Variants in TPPP3 observed in about 807,000 individuals in gnomAD.
The protein encoded by TPPP3 is tubulin polymerization promoting protein family member 3.
Under a neutral mutation model 13.1 loss-of-function variants are expected in TPPP3, and 7 were observed. That is an observed-to-expected ratio of 0.54 (90% CI 0.30 to 1.01). The LOEUF (loss-of-function observed/expected upper bound fraction) is 1.01. Among genes scored for constraint, TPPP3 ranks in the 50% least tolerant of loss-of-function variants. The pLI is 0.06. For synonymous variants in TPPP3, 87 were observed against 93.7 expected (o/e 0.93, Z 0.41); for missense variants, 185 against 235.0 (o/e 0.79, Z 1.39).
chr16:67,390,941 G>T lies in TPPP3; in HGVS notation c.171C>A (p.Ile57=). Residue 57 remains isoleucine (I), a synonymous_variant, in exon 2 of 4, where the codon ATC becomes ATA. Transcript: ENST00000393957. This position sits in a 1 kb window ranked among gnomAD's most constrained non-coding sequence, Gnocchi z 6.4. The part of the protein sequence containing the change: ...GKSVTGTDVD[I]VFSKVKGKSA... ...GGGCTCACTTGACTTTGGAGAAGAC[G>T]ATGTCCACATCGGTCCCTGTCACGG... The T allele has an allele frequency of 6.2e-7, 1 of 1,614,098 alleles. No homozygotes were observed. The highest frequency in any genetic ancestry group is 1.1e-5 in the South Asian group (1 of 91,082).
chr16:67,390,842 C>G lies in TPPP3; in HGVS notation c.188+82G>C, dbSNP rs962851230. On this transcript the variant is annotated intron_variant, in intron 2 of 3. Coordinates refer to ENST00000393957, the MANE Select transcript of TPPP3 (RefSeq NM_015964.4). The surrounding 1 kb of genome is among the most constrained non-coding windows in gnomAD (Gnocchi z 6.4). ...CGTGATCATGGTGTTTCCCTGACCC[C>G]TTCTTGATGTCCTCCCTGGTTCCAG... 2 of 1,501,768 alleles carry G rather than the reference C, an allele frequency of 1.3e-6. No homozygotes were observed. The highest frequency in any genetic ancestry group is 9.0e-7 in the Non-Finnish European group (1 of 1,108,550). The allele number at this position is 1,501,768 out of a possible 1,614,324, so 93.0% of individuals were successfully genotyped here. A position where few individuals can be genotyped will look rare whatever the true frequency, so the allele number is the denominator to read the frequency against.
In TPPP3 at chr16:67,392,384, A is replaced by AC. The variant is rs2040338674; in HGVS notation, c.-7+995dup. 1.4e-5 allele frequency among the ~76,000 whole-genome samples: 2 copies of AC among 147,972 alleles called. No individual in the cohort carries two copies. Among genetic ancestry groups the AC allele is most frequent in the Non-Finnish European group, 3.0e-5 (2 of 67,110 alleles). On this transcript the variant is annotated intron_variant, in intron 1 of 3. Transcript: ENST00000393957. The surrounding 1 kb of genome is among the most constrained non-coding windows in gnomAD (Gnocchi z 4.9). ...CTACACAGCAGCCTTCTCCATCCCC[A>AC]CACCCGCAGCCCTGGGGCTGAGGCC... is the stretch of plus-strand genomic sequence containing the variant.
In TPPP3 at chr16:67,390,429, G is replaced by A. The variant is rs958573339; in HGVS notation, c.342+50C>T. 3 of 1,603,924 alleles carry A rather than the reference G, an allele frequency of 1.9e-6. No homozygotes were observed. The highest frequency in any genetic ancestry group is 2.2e-5 in the East Asian group (1 of 44,668). ...CCCAGCCCTTCCCACCCACAGCCAC[G>A]ATTCCCCACACCCCATTCCGTGGCC... On this transcript the variant is annotated intron_variant, in intron 3 of 3. Coordinates refer to ENST00000393957, the MANE Select transcript of TPPP3 (RefSeq NM_015964.4). This position sits in a 1 kb window ranked among gnomAD's most constrained non-coding sequence, Gnocchi z 6.4.
chr16:67,392,446 G>A lies in TPPP3; in HGVS notation c.-7+934C>T, dbSNP rs1284329765. Reference sequence around the variant, plus strand: ...ACCTGCATCCCTTCCTGAGACCCCTGACCATAGCCTCAGCCACTCACCCCC... The same window carrying A: ...ACCTGCATCCCTTCCTGAGACCCCTAACCATAGCCTCAGCCACTCACCCCC... On this transcript the variant is annotated intron_variant, in intron 1 of 3. Coordinates refer to ENST00000393957, the MANE Select transcript of TPPP3 (RefSeq NM_015964.4). This position sits in a 1 kb window ranked among gnomAD's most constrained non-coding sequence, Gnocchi z 4.9. Among the ~76,000 whole-genome samples the A allele has an allele frequency of 6.6e-6, 1 of 151,470 alleles. No individual in the cohort carries two copies. The highest frequency in any genetic ancestry group is 1.5e-5 in the Non-Finnish European group (1 of 67,870).
At position 67,390,722 on chromosome 16, in the gene TPPP3, T is replaced by G; in HGVS notation, c.189-90A>C. ...ACACATTTGCTGCCACCACAAATTA[T>G]GCAATTGCGTTTCTTTCCCACGTTT... On this transcript the variant is annotated intron_variant, in intron 2 of 3. Transcript: ENST00000393957. This position sits in a 1 kb window ranked among gnomAD's most constrained non-coding sequence, Gnocchi z 6.4. 6.6e-7 allele frequency: 1 copy of G among 1,525,006 alleles called. No homozygotes were observed. The highest frequency in any genetic ancestry group is 8.8e-7 in the Non-Finnish European group (1 of 1,140,122). 94.5% of individuals were successfully genotyped at this position (1,525,006 alleles called of 1,614,324 possible). A position where few individuals can be genotyped will look rare whatever the true frequency, so the allele number is the denominator to read the frequency against.
rs1365142553 is a variant in TPPP3 at position 67,391,088 on chromosome 16, AGCCATGTCTGTGCTCGCT to A, written c.6_23del (p.Ala3_Ala8del). On this transcript the variant is annotated inframe_deletion, in exon 2 of 4. Transcript: ENST00000393957. The surrounding 1 kb of genome is among the most constrained non-coding windows in gnomAD (Gnocchi z 6.3). ...ACTTGCGGAAGCTCTCCTCCAGCCC[AGCCATGTCTGTGCTCGCT>A]GCCATGCCACCCTATAGAGACCCAC... 5.0e-6 allele frequency: 8 copies of A among 1,614,084 alleles called. No homozygotes were observed. The highest frequency in any genetic ancestry group is 6.8e-6 in the Non-Finnish European group (8 of 1,180,044).
In TPPP3 at chr16:67,390,940, C is replaced by T. The variant is rs144127847; in HGVS notation, c.172G>A (p.Val58Ile). The change falls in exon 2 of 4, where the codon GTC becomes ATC. Residue 58 changes from valine (V) to isoleucine (I), a missense_variant. Val to Ile is a conservative substitution (Grantham distance 29). Coordinates refer to ENST00000393957, the MANE Select transcript of TPPP3 (RefSeq NM_015964.4). This position sits in a 1 kb window ranked among gnomAD's most constrained non-coding sequence, Gnocchi z 6.4. ...KSVTGTDVDI[V>I]FSKVKGKSAR... The stretch of plus-strand genomic sequence containing the variant: ...AGGGCTCACTTGACTTTGGAGAAGA[C>T]GATGTCCACATCGGTCCCTGTCACG... 1.4e-5 allele frequency: 23 copies of T among 1,613,926 alleles called. No individual in the cohort carries two copies. The African/African-American group carries it at 2.4e-4, about 17-fold the overall frequency.
At position 67,393,142 on chromosome 16, in the gene TPPP3, AC is replaced by A. The variant is rs2040349841; in HGVS notation, c.-7+237del. The A allele has an allele frequency of 2.8e-6, 2 of 709,602 alleles. No homozygotes were observed. The highest frequency in any genetic ancestry group is 3.5e-6 in the Non-Finnish European group (2 of 578,120). 44.0% of individuals were successfully genotyped at this position (709,602 alleles called of 1,614,324 possible). ...TGCAGGCCATGGATGGAGTGGCCAC[AC>A]CCGTGAACTGGAGCCACCCGTCCCG... On this transcript the variant is annotated intron_variant, in intron 1 of 3. Coordinates refer to ENST00000393957, the MANE Select transcript of TPPP3 (RefSeq NM_015964.4). The surrounding 1 kb of genome is among the most constrained non-coding windows in gnomAD (Gnocchi z 5.4).
chr16:67,392,716 C>CT lies in TPPP3; in HGVS notation c.-7+663dup, dbSNP rs1026823856. Among the ~76,000 whole-genome samples, 35 of 152,208 alleles carry CT rather than the reference C, an allele frequency of 2.3e-4. No homozygotes were observed. Among genetic ancestry groups the CT allele is most frequent in the Non-Finnish European group, 7.4e-5 (5 of 68,024 alleles). ...CGGTCTCAGCAACCATCTTCTAGCTCTGCCTTTTACACTAGGGCTTCCAGT... is the reference window on the plus strand; with the variant it reads ...CGGTCTCAGCAACCATCTTCTAGCTCTTGCCTTTTACACTAGGGCTTCCAGT... On this transcript the variant is annotated intron_variant, in intron 1 of 3. Coordinates refer to ENST00000393957, the MANE Select transcript of TPPP3 (RefSeq NM_015964.4). The surrounding 1 kb of genome is among the most constrained non-coding windows in gnomAD (Gnocchi z 4.9).
At position 67,393,023 on chromosome 16, in the gene TPPP3, G is replaced by C. The variant is rs979144078; in HGVS notation, c.-7+357C>G. On this transcript the variant is annotated intron_variant, in intron 1 of 3. Transcript: ENST00000393957. This position sits in a 1 kb window ranked among gnomAD's most constrained non-coding sequence, Gnocchi z 5.4. ...GGCCCAAGCACTGGGCGGATCCTGC[G>C]TGCAGTGCTCACTCCTGTCCGTGGA... 3.0e-6 allele frequency: 3 copies of C among 985,382 alleles called. No homozygotes were observed. Among genetic ancestry groups the C allele is most frequent in the African/African-American group, 3.5e-5 (2 of 57,236 alleles). The allele number at this position is 985,382 out of a possible 1,614,324, so 61.0% of individuals were successfully genotyped here.
chr16:67,392,201 A>G lies in TPPP3; in HGVS notation c.-6-1084T>C, dbSNP rs2040336261. ...CCCCTGGCCATACCTTCAGCCCTCCATCCTCCATCTTCACACCCACAGCCA... is the reference window on the plus strand; with the variant it reads ...CCCCTGGCCATACCTTCAGCCCTCCGTCCTCCATCTTCACACCCACAGCCA... On this transcript the variant is annotated intron_variant, in intron 1 of 3. Coordinates refer to ENST00000393957, the MANE Select transcript of TPPP3 (RefSeq NM_015964.4). The surrounding 1 kb of genome is among the most constrained non-coding windows in gnomAD (Gnocchi z 4.9). Among the ~76,000 whole-genome samples the G allele has an allele frequency of 6.6e-6, 1 of 150,738 alleles. No homozygotes were observed. Among genetic ancestry groups the G allele is most frequent in the Non-Finnish European group, 1.5e-5 (1 of 67,648 alleles).
In TPPP3 at chr16:67,392,858, C is replaced by T. The variant is rs1049927435; in HGVS notation, c.-7+522G>A. On this transcript the variant is annotated intron_variant, in intron 1 of 3. Coordinates refer to ENST00000393957, the MANE Select transcript of TPPP3 (RefSeq NM_015964.4). This position sits in a 1 kb window ranked among gnomAD's most constrained non-coding sequence, Gnocchi z 4.9. The stretch of plus-strand genomic sequence containing the variant: ...GGACTGTGAGCACCGGTGGTTCCTA[C>T]GTTACAGGGACCATAACCCCAGTCC... The T allele has an allele frequency of 1.2e-5, 7 of 561,198 alleles. No homozygotes were observed. Among genetic ancestry groups the T allele is most frequent in the Non-Finnish European group, 1.6e-5 (7 of 442,226 alleles). The allele number at this position is 561,198 out of a possible 1,614,324, so 34.8% of individuals were successfully genotyped here. A position where few individuals can be genotyped will look rare whatever the true frequency, so the allele number is the denominator to read the frequency against.
In TPPP3 at chr16:67,392,530, C is replaced by T. The variant is rs1169811004; in HGVS notation, c.-7+850G>A. ...GACCCTCAGCACCCCTTTGTCCACA[C>T]ACCCTCAGCCCTCTGGCCACACCCT... On this transcript the variant is annotated intron_variant, in intron 1 of 3. Transcript: ENST00000393957. This position sits in a 1 kb window ranked among gnomAD's most constrained non-coding sequence, Gnocchi z 4.9. Among the ~76,000 whole-genome samples, 1 of 152,058 alleles carries T rather than the reference C, an allele frequency of 6.6e-6. No individual in the cohort carries two copies. Among genetic ancestry groups the T allele is most frequent in the Non-Finnish European group, 1.5e-5 (1 of 68,010 alleles).
In TPPP3 at chr16:67,390,448, C is replaced by T. The variant is rs751671897; in HGVS notation, c.342+31G>A. On this transcript the variant is annotated intron_variant, in intron 3 of 3. Transcript: ENST00000393957. The surrounding 1 kb of genome is among the most constrained non-coding windows in gnomAD (Gnocchi z 6.4). ...AGCCACGATTCCCCACACCCCATTCCGTGGCCACCCGAGACCAGCAGGGCA... is the reference window on the plus strand; with the variant it reads ...AGCCACGATTCCCCACACCCCATTCTGTGGCCACCCGAGACCAGCAGGGCA... 3.0e-5 allele frequency: 48 copies of T among 1,610,982 alleles called. No individual in the cohort carries two copies. In the Admixed American group the frequency reaches 3.2e-4, roughly 11 times the overall value.
In TPPP3 at chr16:67,390,408, G is replaced by C. The variant is rs369294188; in HGVS notation, c.343-46C>G. The C allele has an allele frequency of 9.3e-6, 15 of 1,607,310 alleles. No individual in the cohort carries two copies. The Admixed American group carries it at 2.5e-4, about 27-fold the overall frequency. On this transcript the variant is annotated intron_variant, in intron 3 of 3. Transcript: ENST00000393957. This position sits in a 1 kb window ranked among gnomAD's most constrained non-coding sequence, Gnocchi z 6.4. ...CAGGGGCACCTGATGAGGGAGCCCA[G>C]CCCTTCCCACCCACAGCCACGATTC...
Position 67,392,032 on chromosome 16 carries a change from G to C in TPPP3, c.-6-915C>G, listed in dbSNP as rs2040333966. The C allele has an allele frequency of 1.3e-5, 2 of 152,554 alleles. No homozygotes were observed. Among genetic ancestry groups the C allele is most frequent in the Admixed American group, 6.5e-5 (1 of 15,288 alleles). The allele number at this position is 152,554 out of a possible 1,614,324, so 9.5% of individuals were successfully genotyped here. A position where few individuals can be genotyped will look rare whatever the true frequency, so the allele number is the denominator to read the frequency against. On this transcript the variant is annotated intron_variant, in intron 1 of 3. Transcript: ENST00000393957. The surrounding 1 kb of genome is among the most constrained non-coding windows in gnomAD (Gnocchi z 4.9). ...GTTACGAACCCCAAGAGTCGTGCTG[G>C]CAAGTGGGGCTGTGGCTGAAACACA...
In TPPP3 at chr16:67,392,108, C is replaced by T. The variant is rs1392558602; in HGVS notation, c.-6-991G>A. Reference sequence around the variant, plus strand: ...TCCCCTGGCCACGCCCTGAACTTGGCCACACCAGCCCACATTCCCAGCGAC... The same window carrying T: ...TCCCCTGGCCACGCCCTGAACTTGGTCACACCAGCCCACATTCCCAGCGAC... On this transcript the variant is annotated intron_variant, in intron 1 of 3. Coordinates refer to ENST00000393957, the MANE Select transcript of TPPP3 (RefSeq NM_015964.4). This position sits in a 1 kb window ranked among gnomAD's most constrained non-coding sequence, Gnocchi z 4.9. Among the ~76,000 whole-genome samples the T allele has an allele frequency of 6.7e-6, 1 of 150,302 alleles. No individual in the cohort carries two copies. The highest frequency in any genetic ancestry group is 1.5e-5 in the Non-Finnish European group (1 of 67,540).
In TPPP3 at chr16:67,390,087, A is replaced by G; in HGVS notation, c.*87T>C. 7.1e-7 allele frequency: 1 copy of G among 1,408,172 alleles called. No homozygotes were observed. Among genetic ancestry groups the G allele is most frequent in the Non-Finnish European group, 9.7e-7 (1 of 1,031,152 alleles). 87.2% of individuals were successfully genotyped at this position (1,408,172 alleles called of 1,614,324 possible). A position where few individuals can be genotyped will look rare whatever the true frequency, so the allele number is the denominator to read the frequency against. On this transcript the variant is annotated 3_prime_UTR_variant, in exon 4 of 4. Coordinates refer to ENST00000393957, the MANE Select transcript of TPPP3 (RefSeq NM_015964.4). The surrounding 1 kb of genome is among the most constrained non-coding windows in gnomAD (Gnocchi z 6.4). Reference sequence around the variant, plus strand: ...TGGCAGGTCCAGCAGGGAGGGGACCAGGATCTCTTGCTCCACGTGCCCCTT... The same window carrying G: ...TGGCAGGTCCAGCAGGGAGGGGACCGGGATCTCTTGCTCCACGTGCCCCTT...
In TPPP3 at chr16:67,392,389, C is replaced by T. The variant is rs1203129543; in HGVS notation, c.-7+991G>A. On this transcript the variant is annotated intron_variant, in intron 1 of 3. Transcript: ENST00000393957. This position sits in a 1 kb window ranked among gnomAD's most constrained non-coding sequence, Gnocchi z 4.9. ...CAGCAGCCTTCTCCATCCCCACACC[C>T]GCAGCCCTGGGGCTGAGGCCCCTGG... Among the ~76,000 whole-genome samples, 1 of 151,790 alleles carries T rather than the reference C, an allele frequency of 6.6e-6. No homozygotes were observed. The highest frequency in any genetic ancestry group is 1.5e-5 in the Non-Finnish European group (1 of 67,904).
Sources: gnomAD v4.1 joint callset for allele counts (sites outside exome capture counted in the v4.1 genomes callset) on GRCh38, gnomAD v4.1.1 for gene constraint, Gnocchi (gnomAD v3.1) non-coding constraint, MANE v1.5 for transcripts, NCBI Gene and HGNC (gene_info 2026-07-23, HGNC 2026-07-21) for gene names.